The following CDH13 variants were observed in gnomAD, a reference collection of about 807,000 sequenced individuals.
CDH13 encodes cadherin 13.
Under a neutral mutation model 63.8 loss-of-function variants are expected in CDH13, and 24 were observed. The ratio of observed to expected loss-of-function variants is 0.38; its 90% CI spans 0.27 to 0.53. CDH13 has a LOEUF of 0.53. Ranked by LOEUF, CDH13 falls within the 20% of genes least tolerant of loss-of-function variation. The pLI is 0.85. For synonymous variants in CDH13, 503 were observed against 355.3 expected (o/e 1.42, Z -4.67); for missense variants, 1,049 against 903.1 (o/e 1.16, Z -2.07).
intron 10 of CDH13, chr16:83,735,640 C>T (rs976075428): frequency 1.3e-5 from 2 of 152,106 alleles, no homozygotes; most frequent in Admixed American, 6.6e-5. Context: ...TTTCACTTAG[C>T]GTAATTCTTA....
chr16:83,028,069 C>T (rs1046882143), intron 2 of CDH13, among the ~76,000 whole-genome samples: 2 of 152,194 alleles, frequency 1.3e-5, no homozygotes, highest in Non-Finnish European at 2.9e-5. Context: ...TATGCCTTTT[C>T]CTCTACCCCA....
intron 2 of CDH13, among the ~76,000 whole-genome samples, chr16:82,931,377 G>C (rs1220276775): frequency 1.3e-5 from 2 of 152,312 alleles, no homozygotes; most frequent in African/African-American, 4.8e-5. Flanking sequence ...ATGCACATCT[G>C]TTCCAGAAAG....
chr16:83,284,667 A>G (rs1476241737), intron 5 of CDH13, among the ~76,000 whole-genome samples: 5 of 152,146 alleles, frequency 3.3e-5, no homozygotes, highest in East Asian at 3.9e-4. Flanking sequence ...ATTACATAAC[A>G]TAACATAGCG....
chr16:83,334,508 A>G (rs1465547377), intron 5 of CDH13, among the ~76,000 whole-genome samples: 2 of 149,362 alleles, frequency 1.3e-5, no homozygotes, highest in Non-Finnish European at 3.0e-5. Context: ...AGTAGCTGGG[A>G]GTACAGGCAT....
chr16:82,848,098 A>T (rs1166582085), intron 1 of CDH13, among the ~76,000 whole-genome samples: 1 of 152,222 alleles, frequency 6.6e-6, no homozygotes, highest in Non-Finnish European at 1.5e-5. Flanking sequence ...GAGGTTTTGT[A>T]ACAATGAAAA....
At chr16:83,023,562 G>C (rs948624202) in intron 2 of CDH13, among the ~76,000 whole-genome samples, 37 of 152,278 alleles carry the variant, frequency 2.4e-4, no homozygotes, top group African/African-American at 8.4e-4. Flanking sequence ...ACATCTTTCA[G>C]TTATCCACAT....
rs149385374 is a variant in CDH13, at chr16:83,046,951, C to T, written c.366+14733C>T. Among the ~76,000 whole-genome samples the T allele has an allele frequency of 7.5e-4, 115 of 152,328 alleles. No homozygotes were observed. In the Middle Eastern group the frequency reaches 0.024, roughly 32 times the overall value. ...CCTTTCCCCGATGGCTACACTGTGT[C>T]TCCTGCCTCCCAGCTGTTTATGGAA... On this transcript the variant is annotated intron_variant, in intron 3 of 13. Transcript: ENST00000567109.
chr16:82,948,086 T>C (rs1198974982), intron 2 of CDH13, among the ~76,000 whole-genome samples: 1 of 152,208 alleles, frequency 6.6e-6, no homozygotes, highest in Admixed American at 6.5e-5. Flanking sequence ...AAAGATATTG[T>C]CATACAATGC....
At chr16:83,488,787 G>A (rs2073949014) in intron 7 of CDH13, among the ~76,000 whole-genome samples, 1 of 151,984 alleles carries the variant, frequency 6.6e-6, no homozygotes, top group Non-Finnish European at 1.5e-5. Context: ...ACCACACCTG[G>A]CTAATTTTTA....
chr16:83,257,055 T>A (rs1335960213), intron 5 of CDH13, among the ~76,000 whole-genome samples: 2 of 152,004 alleles, frequency 1.3e-5, no homozygotes. Flanking sequence ...CCAGTAATGA[T>A]AAGTAATGAC....
intron 1 of CDH13, among the ~76,000 whole-genome samples, chr16:82,743,881 T>C (rs2034044439): frequency 2.0e-5 from 3 of 152,196 alleles, no homozygotes; most frequent in Non-Finnish European, 4.4e-5. Context: ...TGTAATTAAA[T>C]TTGATTTTTT....
chr16:83,132,638 G>T (rs1203592875), intron 4 of CDH13, among the ~76,000 whole-genome samples: 2 of 151,788 alleles, frequency 1.3e-5, no homozygotes, highest in African/African-American at 2.4e-5. Context: ...TAGAGACAGG[G>T]TTTCACCATG....
intron 3 of CDH13, among the ~76,000 whole-genome samples, chr16:83,039,806 C>T (rs892604723): frequency 6.6e-6 from 1 of 152,138 alleles, no homozygotes; most frequent in Non-Finnish European, 1.5e-5. Flanking sequence ...GCTTTCCCAT[C>T]CCTTCACACT....
intron 2 of CDH13, among the ~76,000 whole-genome samples, chr16:82,989,215 C>A (rs72792129): frequency 6.6e-6 from 1 of 152,046 alleles, no homozygotes; most frequent in African/African-American, 2.4e-5. Flanking sequence ...AAGGAAAAGA[C>A]CTCAAGGAAT....
At chr16:82,990,662 T>TC (rs1319279530) in intron 2 of CDH13, among the ~76,000 whole-genome samples, 1 of 150,054 alleles carries the variant, frequency 6.7e-6, no homozygotes, top group Non-Finnish European at 1.5e-5. Flanking sequence ...TTCTCCCACC[T>TC]CAGCCTCCTG....
intron 1 of CDH13, among the ~76,000 whole-genome samples, chr16:82,781,305 G>A (rs2035742685): frequency 6.6e-6 from 1 of 152,152 alleles, no homozygotes; most frequent in Admixed American, 6.5e-5. Flanking sequence ...TTAGGGAAAT[G>A]CAGACCACAA....
intron 6 of CDH13, among the ~76,000 whole-genome samples, chr16:83,478,025 T>C (rs905989079): frequency 1.3e-5 from 2 of 151,426 alleles, no homozygotes; most frequent in Non-Finnish European, 2.9e-5. Flanking sequence ...ACTAAAAATA[T>C]AAAAAATTAG....
chr16:82,793,524 T>A (rs900386263), intron 1 of CDH13, among the ~76,000 whole-genome samples: 2 of 152,194 alleles, frequency 1.3e-5, no homozygotes, highest in Non-Finnish European at 2.9e-5. Flanking sequence ...CAAAGACCGT[T>A]CTCCTGAATG....
intron 1 of CDH13, among the ~76,000 whole-genome samples, chr16:82,769,193 GTAA>G (rs2035170296): frequency 6.6e-6 from 1 of 152,176 alleles, no homozygotes; most frequent in African/African-American, 2.4e-5. Context: ...CCAACACCAT[GTAA>G]TAATCTCCCT....
Sources: gnomAD v4.1 joint callset for allele counts (sites outside exome capture counted in the v4.1 genomes callset) on GRCh38, gnomAD v4.1.1 for gene constraint, MANE v1.5 for transcripts, NCBI Gene and HGNC (gene_info 2026-07-23, HGNC 2026-07-21) for gene names.